MOK: variants seen among roughly 807,000 people sequenced by gnomAD.
The protein encoded by MOK is MOK protein kinase.
In MOK, 59 loss-of-function variants were observed where a neutral mutation model predicts 54.2. That is an observed-to-expected ratio of 1.09 (90% confidence interval 0.88 to 1.35). The LOEUF (loss-of-function observed/expected upper bound fraction) is 1.35. Ranked by LOEUF, MOK falls within the 40% of genes most tolerant of loss-of-function variation. MOK has a pLI of 0.00. For missense variants in MOK, 517 were observed against 526.2 expected, an observed-to-expected ratio of 0.98 and a Z score of 0.17; for synonymous variants, 210 against 202.7, an observed-to-expected ratio of 1.04 and a Z score of -0.31.
intron 1 of MOK, among the ~76,000 whole-genome samples, chr14:102,285,918 C>T (rs569733361): frequency 6.6e-6 from 1 of 151,836 alleles, no homozygotes; most frequent in Admixed American, 6.6e-5. Flanking sequence ...ATACAATACC[C>T]CTGTACATTC....
At chr14:102,244,864 G>A (rs34440178) in intron 7 of MOK, among the ~76,000 whole-genome samples, 2 of 151,766 alleles carry the variant, frequency 1.3e-5, no homozygotes, top group Admixed American at 6.6e-5. Flanking sequence ...CCTTCATACC[G>A]CTTACCATCC....
intron 7 of MOK, among the ~76,000 whole-genome samples, chr14:102,241,579 T>C (rs779001154): frequency 3.5e-4 from 53 of 152,330 alleles, no homozygotes; most frequent in Admixed American, 6.5e-4. Context: ...CTTAGATGCT[T>C]TACCGCCCTA....
chr14:102,270,160 AAAG>A (rs2068237636), intron 2 of MOK, among the ~76,000 whole-genome samples: 1 of 152,256 alleles, frequency 6.6e-6, no homozygotes, highest in Non-Finnish European at 1.5e-5. Flanking sequence ...ATTAAACAGT[AAAG>A]AAGAAATCAC....
At position 102,231,027 on chromosome 14, in the gene MOK, G is replaced by C. The variant is rs1426417761; in HGVS notation, c.981+680C>G. 1 of 152,276 alleles carries C rather than the reference G, an allele frequency of 6.6e-6. No individual in the cohort carries two copies. Among genetic ancestry groups the C allele is most frequent in the African/African-American group, 2.4e-5 (1 of 41,440 alleles). The allele number at this position is 152,276 out of a possible 1,614,324, so 9.4% of individuals were successfully genotyped here. ...GCACTCGGTAAAGGCTGGGAGGAGCGAGTGACGTACGGACGACCGAACAGA... is the reference window on the plus strand; with the variant it reads ...GCACTCGGTAAAGGCTGGGAGGAGCCAGTGACGTACGGACGACCGAACAGA... On this transcript the variant is annotated intron_variant, in intron 10 of 11. Coordinates refer to ENST00000361847, the MANE Select transcript of MOK (RefSeq NM_014226.3). This position sits in a 1 kb window ranked among gnomAD's most constrained non-coding sequence, Gnocchi z 4.4.
At chr14:102,226,907 G>T (rs567296133), downstream of MOK, among the ~76,000 whole-genome samples, 250 of 152,276 alleles carry the variant, frequency 1.6e-3, 1 homozygote, top group African/African-American at 5.8e-3. This position sits in a 1 kb window ranked among gnomAD's most constrained non-coding sequence, Gnocchi z 4.8. Context: ...GCTGCCCTGG[G>T]CCCTGGCGTG....
chr14:102,252,216 G>A (rs1319197896), intron 4 of MOK, among the ~76,000 whole-genome samples: 1 of 152,122 alleles, frequency 6.6e-6, no homozygotes, highest in Non-Finnish European at 1.5e-5. Context: ...TGTAATCCCA[G>A]CACTTTGGGA....
intron 2 of MOK, among the ~76,000 whole-genome samples, chr14:102,270,509 G>A (rs909246825): frequency 4.6e-5 from 7 of 152,084 alleles, no homozygotes; most frequent in African/African-American, 1.4e-4. Context: ...GCTAAGGCAG[G>A]AGAATCAGTT....
At chr14:102,289,196 C>T (rs963723733) in intron 1 of MOK, among the ~76,000 whole-genome samples, 19 of 151,980 alleles carry the variant, frequency 1.3e-4, no homozygotes, top group African/African-American at 3.6e-4. Context: ...CGAGCCACTG[C>T]GCTTGGCCAA....
At chr14:102,253,735 A>G (rs1253849553) in intron 4 of MOK, among the ~76,000 whole-genome samples, 1 of 152,186 alleles carries the variant, frequency 6.6e-6, no homozygotes, top group African/African-American at 2.4e-5. Context: ...GAAGATGTCA[A>G]TTTTACTTGA....
At chr14:102,224,080 T>C (rs201302994), downstream of MOK, among the ~76,000 whole-genome samples, 1,522 of 150,050 alleles carry the variant, frequency 0.01, 31 homozygotes, top group African/African-American at 0.036. Context: ...CTCCCTCTGT[T>C]GTCCAGGCTG....
At chr14:102,263,404 T>C (rs1236288437) in intron 4 of MOK, 142 bp downstream of exon 4, 4 of 471,544 alleles carry the variant, frequency 8.5e-6, no homozygotes, top group Non-Finnish European at 1.4e-5. Flanking sequence ...AAATGCCTCC[T>C]GGTGAATGAA....
intron 1 of MOK, among the ~76,000 whole-genome samples, chr14:102,303,718 AATT>A (rs1239844586): frequency 1.3e-5 from 2 of 152,210 alleles, no homozygotes; most frequent in African/African-American, 4.8e-5. Flanking sequence ...AGAAGTGGTG[AATT>A]ATTAGTAGTC....
intron 2 of MOK, among the ~76,000 whole-genome samples, chr14:102,272,309 A>T (rs2068439797): frequency 6.6e-6 from 1 of 152,084 alleles, no homozygotes; most frequent in African/African-American, 2.4e-5. Context: ...CCAACATGGC[A>T]AAACCCCATC....
chr14:102,216,419 G>GT, the MOK span, among the ~76,000 whole-genome samples: 1 of 152,096 alleles, frequency 6.6e-6, no homozygotes, highest in Non-Finnish European at 1.5e-5. Flanking sequence ...GGCCTCTTGA[G>GT]TAACTGGGAC....
chr14:102,284,184 C>A (rs1163091075), intron 1 of MOK, among the ~76,000 whole-genome samples: 2 of 152,044 alleles, frequency 1.3e-5, no homozygotes, highest in East Asian at 3.9e-4. Flanking sequence ...GGGTAGTTTC[C>A]ATTTTCCTGA....
intron 7 of MOK, among the ~76,000 whole-genome samples, chr14:102,234,543 G>C (rs1370523057): frequency 1.3e-5 from 2 of 151,944 alleles, no homozygotes; most frequent in Admixed American, 1.3e-4. Context: ...CTCTATTCCT[G>C]ACAAGTTCCG....
At chr14:102,256,242 G>A (rs1330768770) in intron 4 of MOK, among the ~76,000 whole-genome samples, 2 of 151,896 alleles carry the variant, frequency 1.3e-5, no homozygotes, top group South Asian at 4.2e-4. Flanking sequence ...GTCTACAGGC[G>A]TGTGCCACCA....
intron 1 of MOK, among the ~76,000 whole-genome samples, chr14:102,303,533 C>A (rs1236313368): frequency 2.0e-5 from 3 of 152,084 alleles, no homozygotes; most frequent in African/African-American, 7.2e-5. Context: ...ATTGGTGATT[C>A]TTGATTGGAT....
At chr14:102,260,489 A>G (rs1421582970) in intron 4 of MOK, 1 of 152,180 alleles carries the variant, frequency 6.6e-6, no homozygotes, top group Non-Finnish European at 1.5e-5. Context: ...ATTATATTTC[A>G]TCAATTCTAG....
Sources: gnomAD v4.1 joint callset for allele counts (sites outside exome capture counted in the v4.1 genomes callset) on GRCh38, gnomAD v4.1.1 for gene constraint, Gnocchi (gnomAD v3.1) non-coding constraint, MANE v1.5 for transcripts, NCBI Gene and HGNC (gene_info 2026-07-23, HGNC 2026-07-21) for gene names.